DNM2: variants seen among roughly 807,000 people sequenced by gnomAD.
DNM2 encodes dynamin 2.
A neutral mutation model predicts 99.0 loss-of-function variants in DNM2; 15 were observed. That is an observed-to-expected ratio of 0.15 (90% confidence interval 0.10 to 0.23). The LOEUF (loss-of-function observed/expected upper bound fraction) is 0.23. DNM2 is among the 10% of genes least tolerant of loss of function. DNM2 has a pLI of 1.00. For synonymous variants in DNM2, 525 were observed against 481.2 expected (o/e 1.09, Z -1.19); for missense variants, 742 against 1,189.4 (o/e 0.62, Z 5.53).
Position 10,820,652 on chromosome 19 carries a change from T to A in DNM2, c.1781+563T>A, listed in dbSNP as rs1027492061. ...CCGAGGTGGGGAAGGCAGCGGCAGG[T>A]AGGCCTGGAGACAGCCAAGAGCTCC... On this transcript the variant is annotated intron_variant, in intron 16 of 20. Transcript: ENST00000389253. This position sits in a 1 kb window ranked among gnomAD's most constrained non-coding sequence, Gnocchi z 4.3. Among the ~76,000 whole-genome samples, 1 of 152,302 alleles carries A rather than the reference T, an allele frequency of 6.6e-6. No individual in the cohort carries two copies. The highest frequency in any genetic ancestry group is 1.5e-5 in the Non-Finnish European group (1 of 68,016).
At chr19:10,810,639 AG>A (rs2072508482) in intron 14 of DNM2, 1 of 152,346 alleles carries the variant, frequency 6.6e-6, no homozygotes, top group Non-Finnish European at 1.5e-5. Flanking sequence ...CAGGCCACCG[AG>A]GGGTGTGCGG....
At chr19:10,785,925 A>T (rs1041840900) in intron 6 of DNM2, among the ~76,000 whole-genome samples, 3 of 151,628 alleles carry the variant, frequency 2.0e-5, no homozygotes, top group Non-Finnish European at 4.4e-5. Flanking sequence ...CAGCCTCCCA[A>T]GTAGCTGAGA....
chr19:10,782,839 T>G, intron 5 of DNM2, 121 bp from the exon 6 acceptor site: 3 of 1,360,680 alleles, frequency 2.2e-6, no homozygotes, highest in Non-Finnish European at 3.1e-6. Context: ...TAACATGTTA[T>G]GACAGCTGTG....
intron 17 of DNM2, 107 bp from the exon 18 acceptor site, chr19:10,824,950 C>T (rs1341794172): frequency 1.3e-6 from 2 of 1,578,464 alleles, no homozygotes; most frequent in African/African-American, 2.7e-5. Flanking sequence ...TGTCAGGGGC[C>T]AGCCTGAGGT....
At position 10,718,590 on chromosome 19, in the gene DNM2, G is replaced by A. The variant is rs1353340445; in HGVS notation, c.161+187G>A. ...GCAGAGGACTCCCTGCAGGGGCTCCGGAGCAGGCCCGGGCCCCAGGGGCGG... is the reference window on the plus strand; with the variant it reads ...GCAGAGGACTCCCTGCAGGGGCTCCAGAGCAGGCCCGGGCCCCAGGGGCGG... On this transcript the variant is annotated intron_variant, in intron 1 of 20. Transcript: ENST00000389253. 7 of 893,780 alleles carry A rather than the reference G, an allele frequency of 7.8e-6. No individual in the cohort carries two copies. The African/African-American group carries it at 8.8e-5, about 11-fold the overall frequency. The allele number at this position is 893,780 out of a possible 1,614,324, so 55.4% of individuals were successfully genotyped here. A position where few individuals can be genotyped will look rare whatever the true frequency, so the allele number is the denominator to read the frequency against.
At chr19:10,746,734 G>GTTT (rs1442794369) in intron 1 of DNM2, among the ~76,000 whole-genome samples, 1 of 123,128 alleles carries the variant, frequency 8.1e-6, no homozygotes, top group Non-Finnish European at 1.6e-5. Context: ...TTTGTTTTTT[G>GTTT]TTTTTTTTTT....
chr19:10,732,615 A>G (rs1024137231), intron 1 of DNM2, among the ~76,000 whole-genome samples: 2 of 151,894 alleles, frequency 1.3e-5, no homozygotes, highest in Non-Finnish European at 2.9e-5. Flanking sequence ...AAAAGGAAAA[A>G]CAATTCACCC....
Position 10,783,705 on chromosome 19 carries a change from A to ATTT in DNM2, c.849+589_849+591dup, listed in dbSNP as rs1020896849. Among the ~76,000 whole-genome samples, 252 of 145,298 alleles carry ATTT rather than the reference A, an allele frequency of 1.7e-3. 27 individuals carry two copies. The highest frequency in any genetic ancestry group is 4.6e-3 in the Admixed American group (68 of 14,670). ...TATTATTATTATTATTATTATTATT[A>ATTT]TTTTTTATTTTTGGAGACACAGTCT... is the stretch of plus-strand genomic sequence containing the variant. On this transcript the variant is annotated intron_variant, in intron 6 of 20. Transcript: ENST00000389253.
intron 10 of DNM2, 70 bp from the exon 11 acceptor site, chr19:10,798,416 C>G: frequency 7.4e-7 from 1 of 1,352,234 alleles, no homozygotes; most frequent in East Asian, 2.3e-5. Flanking sequence ...CATTTTCTAC[C>G]TGTGTGGTTC....
At chr19:10,793,584 G>A (rs1049893966) in intron 7 of DNM2, 136 bp from the exon 8 acceptor site, 2 of 1,531,106 alleles carry the variant, frequency 1.3e-6, no homozygotes, top group Admixed American at 1.7e-5. Flanking sequence ...TGGTTTATTT[G>A]TCTTAATATA....
In DNM2 at chr19:10,829,013, C is replaced by A. The variant is rs1165934463; in HGVS notation, c.2059-23C>A. On this transcript the variant is annotated intron_variant, in intron 18 of 20. Transcript: ENST00000389253. ...GGGTTGGGGTGATACACAAGCCTGACCCTCCCCAACCCCTGCCCGCAGACG... is the reference window on the plus strand; with the variant it reads ...GGGTTGGGGTGATACACAAGCCTGAACCTCCCCAACCCCTGCCCGCAGACG... The A allele has an allele frequency of 3.7e-6, 6 of 1,607,326 alleles. 1 individual carries two copies. In the Admixed American group the frequency reaches 1.0e-4, roughly 27 times the overall value.
chr19:10,794,344 C>CGTGT (rs58263525), intron 8 of DNM2, among the ~76,000 whole-genome samples: 1,821 of 141,672 alleles, frequency 0.013, 32 homozygotes, highest in African/African-American at 0.034. Context: ...CTTCTTTTTC[C>CGTGT]GTGTGTGTGT....
At chr19:10,771,480 GAGAA>G (rs916197069) in intron 2 of DNM2, among the ~76,000 whole-genome samples, 16 of 152,306 alleles carry the variant, frequency 1.1e-4, no homozygotes, top group African/African-American at 3.8e-4. Context: ...TAGTCAGGGG[GAGAA>G]AGAAAGACTC....
intron 6 of DNM2, among the ~76,000 whole-genome samples, chr19:10,784,764 A>G (rs1218872609): frequency 6.7e-6 from 1 of 148,620 alleles, no homozygotes; most frequent in African/African-American, 2.5e-5. Context: ...AGGTTCCTTC[A>G]TGCCTCTTTT....
At chr19:10,748,825 C>T (rs1265492570) in intron 1 of DNM2, among the ~76,000 whole-genome samples, 1 of 152,168 alleles carries the variant, frequency 6.6e-6, no homozygotes, top group East Asian at 1.9e-4. Context: ...GCTATGTTGC[C>T]CGAGATGGGG....
chr19:10,793,491 C>G (rs1488265344), intron 7 of DNM2, among the ~76,000 whole-genome samples: 2 of 152,218 alleles, frequency 1.3e-5, no homozygotes, highest in African/African-American at 4.8e-5. Flanking sequence ...TGGGCCTTCT[C>G]AGATCGAATG....
rs548623468 is a variant in DNM2, at chr19:10,727,510, T to A, written c.161+9107T>A. Among the ~76,000 whole-genome samples, 37 of 152,024 alleles carry A rather than the reference T, an allele frequency of 2.4e-4. 3 individuals carry two copies. In the South Asian group the frequency reaches 7.5e-3, roughly 31 times the overall value. On this transcript the variant is annotated intron_variant, in intron 1 of 20. Transcript: ENST00000389253. ...CCTCCCAATTAGCTGGGACCACAGG[T>A]GTGCGCCACCACCCCCAGCTAATTT...
At chr19:10,782,505 C>T (rs549708714) in intron 5 of DNM2, among the ~76,000 whole-genome samples, 32 of 151,988 alleles carry the variant, frequency 2.1e-4, no homozygotes, top group Non-Finnish European at 3.7e-4. Flanking sequence ...ACTATAGTCA[C>T]GCGCCACCAT....
rs559625197 is a variant in DNM2, at chr19:10,823,616, C to T, written c.1782-172C>T. On this transcript the variant is annotated intron_variant, in intron 16 of 20. Coordinates refer to ENST00000389253, the MANE Select transcript of DNM2 (RefSeq NM_001005361.3). ...ACACTTGCCGAGCTTGTGCACAGCGCTCTTCTGTGTAGGCGTCACTCACGG... is the reference window on the plus strand; with the variant it reads ...ACACTTGCCGAGCTTGTGCACAGCGTTCTTCTGTGTAGGCGTCACTCACGG... 18 of 632,362 alleles carry T rather than the reference C, an allele frequency of 2.8e-5. No homozygotes were observed. In the African/African-American group the frequency reaches 3.3e-4, roughly 12 times the overall value. The allele number at this position is 632,362 out of a possible 1,614,324, so 39.2% of individuals were successfully genotyped here.
Sources: allele counts gnomAD v4.1 joint callset (sites outside exome capture counted in the v4.1 genomes callset), GRCh38; gene constraint gnomAD v4.1.1; non-coding constraint Gnocchi (gnomAD v3.1); transcripts MANE v1.5; gene names NCBI Gene and HGNC (gene_info 2026-07-23, HGNC 2026-07-21).